TENM3: variants seen among roughly 807,000 people sequenced by gnomAD.
The protein encoded by TENM3 is teneurin-3.
TENM3 carries 63 observed loss-of-function variants against 255.1 expected under a neutral mutation model. That is an observed-to-expected ratio of 0.25 (90% CI 0.20 to 0.30). The LOEUF (loss-of-function observed/expected upper bound fraction) is 0.30, where lower values mean the gene tolerates loss of function less well. Among genes scored for constraint, TENM3 ranks in the 10% least tolerant of loss-of-function variants. The probability of loss-of-function intolerance (pLI) is 1.00; values close to 1 mark genes in which losing one functional copy is unlikely to be tolerated. For missense variants in TENM3, 2,929 were observed against 3,461.1 expected, an observed-to-expected ratio of 0.85 and a Z score of 3.86; for synonymous variants, 1,306 against 1,322.3, an observed-to-expected ratio of 0.99 and a Z score of 0.27.
the TENM3 span, among the ~76,000 whole-genome samples, chr4:181,683,822 G>T: frequency 1.3e-5 from 2 of 152,120 alleles, no homozygotes; most frequent in Non-Finnish European, 2.9e-5. Flanking sequence ...GAAGGTGGGG[G>T]TTCAGAGCCC....
chr4:182,724,745 G>T (rs1157651440), intron 13 of TENM3, among the ~76,000 whole-genome samples: 1 of 152,016 alleles, frequency 6.6e-6, no homozygotes. Flanking sequence ...GGGAGAAGAG[G>T]GTAAGGAGCA....
chr4:181,609,078 C>T, the TENM3 span, among the ~76,000 whole-genome samples: 1 of 151,638 alleles, frequency 6.6e-6, no homozygotes, highest in Admixed American at 6.6e-5. Context: ...AAAAGGAAGA[C>T]AGGAAAGGAG....
intron 1 of TENM3, among the ~76,000 whole-genome samples, chr4:182,211,808 G>A (rs185835376): frequency 1.3e-5 from 2 of 152,128 alleles, no homozygotes; most frequent in East Asian, 1.9e-4. Context: ...TTAATTATTT[G>A]AAAATTGATC....
At chr4:182,768,816 G>A (rs1323410525) in intron 22 of TENM3, among the ~76,000 whole-genome samples, 1 of 152,200 alleles carries the variant, frequency 6.6e-6, no homozygotes, top group Non-Finnish European at 1.5e-5. Context: ...CAGTGGAAGA[G>A]CGGTAGGTCA....
chr4:182,162,761 T>C (rs1751440818), intron 1 of TENM3, among the ~76,000 whole-genome samples: 1 of 152,212 alleles, frequency 6.6e-6, no homozygotes, highest in Non-Finnish European at 1.5e-5. Context: ...TGTGTCCTCA[T>C]GTTGCACAAA....
At chr4:182,416,891 T>C (rs1256272402) in intron 3 of TENM3, among the ~76,000 whole-genome samples, 1 of 152,150 alleles carries the variant, frequency 6.6e-6, no homozygotes, top group African/African-American at 2.4e-5. Context: ...TCACACTGGG[T>C]TTTGATGTTT....
At chr4:181,749,146 T>C in the TENM3 span, among the ~76,000 whole-genome samples, 2 of 152,126 alleles carry the variant, frequency 1.3e-5, no homozygotes, top group African/African-American at 4.8e-5. Flanking sequence ...TACATTAATT[T>C]GACTTTATCC....
chr4:182,516,693 C>G (rs74637860), intron 3 of TENM3, among the ~76,000 whole-genome samples: 1 of 152,052 alleles, frequency 6.6e-6, no homozygotes, highest in East Asian at 1.9e-4. Context: ...GAGTTCTAGA[C>G]TAGCCTGGCC....
At position 182,664,913 on chromosome 4, in the gene TENM3, G is replaced by A. The variant is rs116486904; in HGVS notation, c.1112-8092G>A. Among the ~76,000 whole-genome samples, 1,026 of 152,334 alleles carry A rather than the reference G, an allele frequency of 6.7e-3. 6 individuals carry two copies. Among genetic ancestry groups the A allele is most frequent in the Non-Finnish European group, 0.011 (722 of 68,040 alleles). On this transcript the variant is annotated intron_variant, in intron 6 of 27. Coordinates refer to ENST00000511685, the MANE Select transcript of TENM3 (RefSeq NM_001080477.4). Reference sequence around the variant, plus strand: ...TTCATGAGGTTTGAGGAACGAACCCGTCTCTGCAACATAAAAATGCAAGGT... The same window carrying A: ...TTCATGAGGTTTGAGGAACGAACCCATCTCTGCAACATAAAAATGCAAGGT...
chr4:182,572,039 C>G (rs1214392523), intron 3 of TENM3, among the ~76,000 whole-genome samples: 1 of 152,076 alleles, frequency 6.6e-6, no homozygotes, highest in East Asian at 1.9e-4. Context: ...GTAGCTGGGA[C>G]TACAGGCGCC....
intron 12 of TENM3, among the ~76,000 whole-genome samples, chr4:182,706,809 C>G (rs944668893): frequency 6.6e-6 from 1 of 151,924 alleles, no homozygotes; most frequent in African/African-American, 2.4e-5. Context: ...AAAAATTAGC[C>G]AGGTATGGTT....
At chr4:182,614,095 T>C (rs1188579633) in intron 4 of TENM3, among the ~76,000 whole-genome samples, 1 of 152,212 alleles carries the variant, frequency 6.6e-6, no homozygotes, top group Non-Finnish European at 1.5e-5. Flanking sequence ...GTTCTTTTGT[T>C]TTCCCATCAA....
the TENM3 span, among the ~76,000 whole-genome samples, chr4:181,683,659 T>G: frequency 6.6e-6 from 1 of 152,124 alleles, no homozygotes; most frequent in East Asian, 1.9e-4. Context: ...GACGAAGCTT[T>G]CAGTTACTCG....
intron 3 of TENM3, among the ~76,000 whole-genome samples, chr4:182,597,355 G>A (rs1199435810): frequency 6.6e-6 from 1 of 152,156 alleles, no homozygotes; most frequent in African/African-American, 2.4e-5. Flanking sequence ...GCTGCAGTGA[G>A]CTGTAGTCAT....
chr4:181,704,638 G>C, the TENM3 span, among the ~76,000 whole-genome samples: 7 of 152,108 alleles, frequency 4.6e-5, no homozygotes, highest in African/African-American at 1.7e-4. Flanking sequence ...ATTGGTTGTT[G>C]AAAGTTTCCT....
At chr4:181,587,349 C>T in the TENM3 span, among the ~76,000 whole-genome samples, 1 of 152,140 alleles carries the variant, frequency 6.6e-6, no homozygotes, top group Non-Finnish European at 1.5e-5. Context: ...TTCATGGGCT[C>T]TGTACCTGCT....
intron 1 of TENM3, among the ~76,000 whole-genome samples, chr4:182,262,012 T>C (rs1758827404): frequency 6.6e-6 from 1 of 152,094 alleles, no homozygotes; most frequent in South Asian, 2.1e-4. Context: ...AGATCATGAG[T>C]CACCACCTGA....
At chr4:181,656,556 C>T in the TENM3 span, among the ~76,000 whole-genome samples, 1 of 151,912 alleles carries the variant, frequency 6.6e-6, no homozygotes, top group Admixed American at 6.6e-5. Context: ...AGGAGAGCAG[C>T]GGGGAGGGTC....
chr4:182,748,439 C>G (rs376552962), intron 19 of TENM3, among the ~76,000 whole-genome samples: 4 of 152,258 alleles, frequency 2.6e-5, no homozygotes, highest in African/African-American at 9.6e-5. Context: ...CCTAAAAATT[C>G]ACCACTCGTT....
Sources: allele counts gnomAD v4.1 joint callset (sites outside exome capture counted in the v4.1 genomes callset), GRCh38; gene constraint gnomAD v4.1.1; transcripts MANE v1.5; gene names NCBI Gene and HGNC (gene_info 2026-07-23, HGNC 2026-07-21).